Variants in DZIP3 observed in about 807,000 individuals in gnomAD.
The protein encoded by DZIP3 is E3 ubiquitin-protein ligase DZIP3.
Under a neutral mutation model 162.0 loss-of-function variants are expected in DZIP3, and 118 were observed. The ratio of observed to expected loss-of-function variants is 0.73; its 90% CI spans 0.63 to 0.85. The LOEUF (loss-of-function observed/expected upper bound fraction) is 0.85, where lower values mean the gene tolerates loss of function less well. DZIP3 is among the 40% of genes least tolerant of loss of function. DZIP3 has a pLI of 0.00. For missense variants in DZIP3, 1,331 were observed against 1,407.0 expected (o/e 0.95, Z 0.86); for synonymous variants, 438 against 458.6 (o/e 0.96, Z 0.57).
At position 108,599,365 on chromosome 3, in the gene DZIP3, A is replaced by G. The variant is rs1193485976; in HGVS notation, c.-72-5970A>G. Among the ~76,000 whole-genome samples, 3 of 152,192 alleles carry G rather than the reference A, an allele frequency of 2.0e-5. No homozygotes were observed. In the East Asian group the frequency reaches 5.8e-4, roughly 29 times the overall value. Reference sequence around the variant, plus strand: ...ATTTTAGCTACTGGTGTCTAGGTGTATTTATTTTGTAGCTTTACCAGGAAG... The same window carrying G: ...ATTTTAGCTACTGGTGTCTAGGTGTGTTTATTTTGTAGCTTTACCAGGAAG... On this transcript the variant is annotated intron_variant, in intron 1 of 32. Coordinates refer to ENST00000361582, the MANE Select transcript of DZIP3 (RefSeq NM_014648.4).
At chr3:108,612,935 T>C (rs1940800302) in intron 4 of DZIP3, among the ~76,000 whole-genome samples, 1 of 152,160 alleles carries the variant, frequency 6.6e-6, no homozygotes, top group Non-Finnish European at 1.5e-5. Flanking sequence ...GATAAACTAG[T>C]ATTTCTTTAA....
At chr3:108,688,514 C>T (rs1944575425) in intron 29 of DZIP3, 79 bp from the exon 30 acceptor site, 7 of 1,460,126 alleles carry the variant, frequency 4.8e-6, no homozygotes, top group Non-Finnish European at 5.6e-6. Flanking sequence ...TCTTACTATA[C>T]CCCGTTCTGT....
At position 108,650,872 on chromosome 3, in the gene DZIP3, C is replaced by T. The variant is rs7618064; in HGVS notation, c.2008-265C>T. 3.3e-5 allele frequency among the ~76,000 whole-genome samples: 5 copies of T among 151,018 alleles called. No homozygotes were observed. The South Asian group carries it at 8.3e-4, about 25-fold the overall frequency. ...GACCAATTTAGTAGATCACAACTGC[C>T]GTTTTAAAAAAAGGAAATAGGAATT... is the stretch of plus-strand genomic sequence containing the variant. On this transcript the variant is annotated intron_variant, in intron 17 of 32. Transcript: ENST00000361582.
intron 27 of DZIP3, 106 bp downstream of exon 27, chr3:108,684,447 ATGGGGG>A: frequency 7.3e-7 from 1 of 1,363,372 alleles, no homozygotes; most frequent in Non-Finnish European, 1.0e-6. Context: ...TATGATAATG[ATGGGGG>A]TGGTGGTGAT....
At chr3:108,629,561 C>T (rs1279211596) in intron 8 of DZIP3, among the ~76,000 whole-genome samples, 1 of 151,736 alleles carries the variant, frequency 6.6e-6, no homozygotes, top group Admixed American at 6.6e-5. Flanking sequence ...TGAAATTCAT[C>T]TATATTTCTT....
intron 8 of DZIP3, among the ~76,000 whole-genome samples, chr3:108,629,766 A>G (rs537814392): frequency 3.2e-4 from 48 of 151,742 alleles, no homozygotes; most frequent in African/African-American, 1.0e-3. Flanking sequence ...CGATTTTGCC[A>G]TATTATACAA....
rs114684367 is a variant in DZIP3 at position 108,614,702 on chromosome 3, C to A, written c.259-1839C>A. 2.1e-3 allele frequency among the ~76,000 whole-genome samples: 325 copies of A among 152,186 alleles called. 2 individuals carry two copies. The highest frequency in any genetic ancestry group is 7.5e-3 in the African/African-American group (312 of 41,514). On this transcript the variant is annotated intron_variant, in intron 4 of 32. Transcript: ENST00000361582. ...CAAGGAATTAATATTCCCCCATCACCCCAGAAAGCACTCAATCAGTAGGTC... is the reference window on the plus strand; with the variant it reads ...CAAGGAATTAATATTCCCCCATCACACCAGAAAGCACTCAATCAGTAGGTC...
At chr3:108,631,056 C>CACACACACACACACACACA (rs1385172484) in intron 8 of DZIP3, among the ~76,000 whole-genome samples, 4 of 28,994 alleles carry the variant, frequency 1.4e-4, no homozygotes, top group South Asian at 1.4e-3. Flanking sequence ...CACACACACA[C>CACACACACACACACACACA]TCTCTCTCTC....
At position 108,661,951 on chromosome 3, in the gene DZIP3, TA is replaced by T. The variant is rs754264658; in HGVS notation, c.2277del (p.Lys759AsnfsTer13). On this transcript the variant is annotated frameshift_variant, in exon 20 of 33. Coordinates refer to ENST00000361582, the MANE Select transcript of DZIP3 (RefSeq NM_014648.4). LOFTEE classifies it high-confidence loss of function. ...GGCTTGCTCGTCAAAGGCAGCTTTA[TA>T]AATTGCACTATCAGTGTGAAGTAAG... ...ERLARQRQLY[K>X]LHYQCEDFKR... 4 of 1,613,808 alleles carry T rather than the reference TA, an allele frequency of 2.5e-6. No homozygotes were observed. Among genetic ancestry groups the T allele is most frequent in the Non-Finnish European group, 2.5e-6 (3 of 1,179,858 alleles).
intron 27 of DZIP3, among the ~76,000 whole-genome samples, chr3:108,685,660 A>G (rs1325014801): frequency 6.6e-6 from 1 of 152,186 alleles, no homozygotes; most frequent in Non-Finnish European, 1.5e-5. Context: ...TACAACATTG[A>G]TGAGACATTG....
rs147007758 is a variant in DZIP3, at chr3:108,624,491, T to C, written c.423T>C (p.Tyr141=). 1.7e-4 allele frequency: 269 copies of C among 1,598,504 alleles called. 2 individuals are homozygous for C. In the African/African-American group the frequency reaches 3.2e-3, roughly 19 times the overall value. ...ATTATTTGACATTACTGTTTTTATA[T>C]GGAGTAGCACTCACTGAAAGAGGAA... The part of the protein sequence containing the change: ...IGYYLTLLFL[Y]GVALTERGKK... Residue 141 remains tyrosine (Y), a synonymous_variant, in exon 6 of 33, where the codon TAT becomes TAC. Transcript: ENST00000361582.
intron 28 of DZIP3, among the ~76,000 whole-genome samples, chr3:108,687,561 TAAAG>T (rs1335799843): frequency 6.6e-6 from 1 of 152,100 alleles, no homozygotes; most frequent in Non-Finnish European, 1.5e-5. Flanking sequence ...TTAACACTGA[TAAAG>T]AAGAGAGAAA....
At chr3:108,635,528 ATAGTTATAATT>A (rs1210407623) in intron 10 of DZIP3, among the ~76,000 whole-genome samples, 4 of 147,706 alleles carry the variant, frequency 2.7e-5, no homozygotes, top group African/African-American at 9.8e-5. Context: ...ATTATATATA[ATAGTTATAATT>A]ATATAAGTTA....
In DZIP3 at chr3:108,594,387, A is replaced by ATC. The variant is rs1406387929; in HGVS notation, c.-73+4565_-73+4566dup. The stretch of plus-strand genomic sequence containing the variant: ...TTTTTAAAAGTTGAAGTCTTAGGAC[A>ATC]TCTCTCTCTCTCTCTCTCCCCCCTC... On this transcript the variant is annotated intron_variant, in intron 1 of 32. Transcript: ENST00000361582. 1.3e-3 allele frequency among the ~76,000 whole-genome samples: 182 copies of ATC among 143,180 alleles called. 2 individuals carry two copies. The highest frequency in any genetic ancestry group is 3.7e-3 in the Middle Eastern group (1 of 268). 93.9% of individuals were successfully genotyped at this position (143,180 alleles called of 152,430 possible).
chr3:108,680,547 A>T (rs942477158), intron 26 of DZIP3, among the ~76,000 whole-genome samples: 1 of 152,154 alleles, frequency 6.6e-6, no homozygotes. Context: ...ATAGCTACAA[A>T]AAACAAAGAT....
intron 4 of DZIP3, among the ~76,000 whole-genome samples, chr3:108,611,629 G>C (rs1940711717): frequency 6.6e-6 from 1 of 152,120 alleles, no homozygotes. Flanking sequence ...TAACATGCCA[G>C]TCTGGGACAG....
chr3:108,608,213 AT>A (rs1940492006), intron 3 of DZIP3, 55 bp downstream of exon 3: 1 of 1,361,988 alleles, frequency 7.3e-7, no homozygotes, highest in African/African-American at 1.4e-5. Context: ...TTAATTATAT[AT>A]GCAAATGCAG....
intron 16 of DZIP3, chr3:108,648,667 A>G (rs759571548): frequency 9.3e-6 from 2 of 213,956 alleles, no homozygotes; most frequent in Non-Finnish European, 2.0e-5. Context: ...GCATCTGTGA[A>G]CTTTTATCAG....
intron 3 of DZIP3, among the ~76,000 whole-genome samples, chr3:108,610,525 G>T (rs1940645031): frequency 6.6e-6 from 1 of 152,088 alleles, no homozygotes; most frequent in Non-Finnish European, 1.5e-5. Context: ...AGCTCTATGG[G>T]GCTTCTGCAA....
Sources: gnomAD v4.1 joint callset for allele counts (sites outside exome capture counted in the v4.1 genomes callset) on GRCh38, gnomAD v4.1.1 for gene constraint, MANE v1.5 for transcripts, NCBI Gene and HGNC (gene_info 2026-07-23, HGNC 2026-07-21) for gene names.